The following RASA1 variants were observed in gnomAD, a reference collection of about 807,000 sequenced individuals.
RASA1 encodes ras GTPase-activating protein 1.
A neutral mutation model predicts 132.2 loss-of-function variants in RASA1; 25 were observed. The observed-to-expected ratio is 0.19, with a 90% CI of 0.14 to 0.26. RASA1 has a LOEUF of 0.26. RASA1 is among the 10% of genes least tolerant of loss of function. The probability of loss-of-function intolerance (pLI) is 1.00; values close to 1 mark genes in which losing one functional copy is unlikely to be tolerated. For missense variants in RASA1, 964 were observed against 1,299.2 expected, an observed-to-expected ratio of 0.74 and a Z score of 3.97; for synonymous variants, 477 against 449.9, an observed-to-expected ratio of 1.06 and a Z score of -0.76.
chr5:87,365,076 A>T (rs2112463329), intron 11 of RASA1, among the ~76,000 whole-genome samples: 1 of 152,278 alleles, frequency 6.6e-6, no homozygotes, highest in African/African-American at 2.4e-5. Flanking sequence ...GAACAATTTT[A>T]TTGAGATCAG....
chr5:87,294,542 A>G (rs1207649981), intron 1 of RASA1: 1 of 152,188 alleles, frequency 6.6e-6, no homozygotes, highest in Non-Finnish European at 1.5e-5. Context: ...TCCTCCAAGC[A>G]CTGCTTTTGC....
Position 87,390,952 on chromosome 5 carries a change from C to A in RASA1, c.*69C>A. On this transcript the variant is annotated 3_prime_UTR_variant, in exon 25 of 25. Coordinates refer to ENST00000274376, the MANE Select transcript of RASA1 (RefSeq NM_002890.3). The stretch of plus-strand genomic sequence containing the variant: ...ATGGTAATTCACTTCAGTTTAATGT[C>A]TCCTTTGCTCTTGCCAAAAAATAGC... The A allele has an allele frequency of 6.8e-7, 1 of 1,462,934 alleles. No homozygotes were observed. Among genetic ancestry groups the A allele is most frequent in the Non-Finnish European group, 9.6e-7 (1 of 1,044,504 alleles). 90.6% of individuals were successfully genotyped at this position (1,462,934 alleles called of 1,614,324 possible).
rs1342952041 is a variant in RASA1, at chr5:87,376,128, T to C, written c.2012-265T>C. On this transcript the variant is annotated intron_variant, in intron 15 of 24. Transcript: ENST00000274376. ...TTACCAGTGCTGAAACATAATTGATTTCTTGCCTTCTTGACTAAACTGACC... is the reference window on the plus strand; with the variant it reads ...TTACCAGTGCTGAAACATAATTGATCTCTTGCCTTCTTGACTAAACTGACC... 1.6e-5 allele frequency: 8 copies of C among 492,856 alleles called. No individual in the cohort carries two copies. In the Admixed American group the frequency reaches 2.3e-4, roughly 14 times the overall value. 30.5% of individuals were successfully genotyped at this position (492,856 alleles called of 1,614,324 possible).
chr5:87,289,165 T>C (rs1286853635), intron 1 of RASA1, among the ~76,000 whole-genome samples: 1 of 152,190 alleles, frequency 6.6e-6, no homozygotes, highest in East Asian at 1.9e-4. Flanking sequence ...CTGCAGAATG[T>C]GTCTCAATTT....
At chr5:87,298,919 C>T (rs916245777) in intron 1 of RASA1, among the ~76,000 whole-genome samples, 2 of 152,154 alleles carry the variant, frequency 1.3e-5, no homozygotes, top group Admixed American at 6.5e-5. Flanking sequence ...AAGGAATTGG[C>T]GTTCTGTGAC....
At chr5:87,276,818 A>G (rs1038102214) in intron 1 of RASA1, among the ~76,000 whole-genome samples, 3 of 152,162 alleles carry the variant, frequency 2.0e-5, no homozygotes, top group Non-Finnish European at 4.4e-5. Flanking sequence ...TATGTGTAAC[A>G]TAGAGTTTTA....
intron 6 of RASA1, among the ~76,000 whole-genome samples, chr5:87,342,172 T>G (rs1429173198): frequency 6.6e-6 from 1 of 151,590 alleles, no homozygotes. Context: ...CTTTTTTTTT[T>G]TTTTTGAGAC....
intron 4 of RASA1, among the ~76,000 whole-genome samples, chr5:87,336,391 T>A (rs1262846415): frequency 6.6e-6 from 1 of 151,970 alleles, no homozygotes; most frequent in Non-Finnish European, 1.5e-5. Flanking sequence ...ATAGCTGATC[T>A]AGGAAGATGG....
intron 1 of RASA1, among the ~76,000 whole-genome samples, chr5:87,316,895 T>TA (rs1422355019): frequency 1.3e-5 from 2 of 152,110 alleles, no homozygotes; most frequent in African/African-American, 4.8e-5. Context: ...ATTTTTTTTT[T>TA]TTTTGGAGAA....
At chr5:87,347,686 T>G (rs1256334378) in intron 7 of RASA1, among the ~76,000 whole-genome samples, 1 of 151,976 alleles carries the variant, frequency 6.6e-6, no homozygotes, top group Non-Finnish European at 1.5e-5. Context: ...AATTTTATTG[T>G]GAAGCTGTAG....
intron 8 of RASA1, among the ~76,000 whole-genome samples, chr5:87,350,765 TCCCCCA>T (rs1228243605): frequency 1.3e-5 from 2 of 151,638 alleles, no homozygotes; most frequent in Non-Finnish European, 3.0e-5. Flanking sequence ...CCTTGACCAT[TCCCCCA>T]GAACTTTGAT....
intron 9 of RASA1, among the ~76,000 whole-genome samples, chr5:87,360,586 A>G (rs1396148542): frequency 6.6e-6 from 1 of 152,202 alleles, no homozygotes. Flanking sequence ...TACTTTCAGT[A>G]ATTTTTTATA....
intron 1 of RASA1, among the ~76,000 whole-genome samples, chr5:87,301,363 A>G (rs980855053): frequency 2.6e-5 from 4 of 152,130 alleles, no homozygotes; most frequent in East Asian, 3.8e-4. Flanking sequence ...AGTATAACAC[A>G]TATAAAGCAT....
chr5:87,356,874 C>A (rs1759690980), intron 9 of RASA1, among the ~76,000 whole-genome samples: 1 of 152,086 alleles, frequency 6.6e-6, no homozygotes, highest in East Asian at 1.9e-4. Flanking sequence ...CCTATATTTT[C>A]CTTCATTCCC....
intron 1 of RASA1, among the ~76,000 whole-genome samples, chr5:87,302,155 G>A (rs1264575114): frequency 6.6e-6 from 1 of 152,124 alleles, no homozygotes; most frequent in African/African-American, 2.4e-5. Flanking sequence ...TAAATTCTGA[G>A]TAGCAACATG....
chr5:87,357,221 T>C (rs913417063), intron 9 of RASA1, among the ~76,000 whole-genome samples: 23 of 151,964 alleles, frequency 1.5e-4, no homozygotes, highest in African/African-American at 5.3e-4. Context: ...ACATATAACA[T>C]ACACACACAT....
At chr5:87,376,212 T>A (rs1761315855) in intron 15 of RASA1, 181 bp from the exon 16 acceptor site, 1 of 685,358 alleles carries the variant, frequency 1.5e-6, no homozygotes, top group Non-Finnish European at 2.5e-6. Flanking sequence ...TATCAGAGTT[T>A]AGTGCACCGT....
chr5:87,311,421 C>T (rs1755905304), intron 1 of RASA1, among the ~76,000 whole-genome samples: 2 of 152,148 alleles, frequency 1.3e-5, no homozygotes, highest in African/African-American at 4.8e-5. Context: ...CTGAGACCAA[C>T]CTCAGGTTCA....
intron 1 of RASA1, among the ~76,000 whole-genome samples, chr5:87,293,089 A>G (rs527450296): frequency 8.5e-5 from 13 of 152,152 alleles, no homozygotes; most frequent in African/African-American, 3.1e-4. Flanking sequence ...CAATCAGTAT[A>G]CCTTTTTCCT....
Sources: gnomAD v4.1 joint callset for allele counts (sites outside exome capture counted in the v4.1 genomes callset) on GRCh38, gnomAD v4.1.1 for gene constraint, MANE v1.5 for transcripts, NCBI Gene and HGNC (gene_info 2026-07-23, HGNC 2026-07-21) for gene names.